The following NEDD1 variants were observed in gnomAD, a reference collection of about 807,000 sequenced individuals.
NEDD1 encodes protein NEDD1.
NEDD1 carries 33 observed loss-of-function variants against 74.0 expected under a neutral mutation model. That is an observed-to-expected ratio of 0.45 (90% confidence interval 0.34 to 0.60). NEDD1 has a LOEUF of 0.60. NEDD1 is among the 20% of genes least tolerant of loss of function. The pLI is 0.01. For synonymous variants in NEDD1, 250 were observed against 264.4 expected, an observed-to-expected ratio of 0.95 and a Z score of 0.53; for missense variants, 746 against 776.5, an observed-to-expected ratio of 0.96 and a Z score of 0.47.
Position 96,943,947 on chromosome 12 carries a change from A to T in NEDD1, c.1497+185A>T, listed in dbSNP as rs372334792. 1.7e-4 allele frequency among the ~76,000 whole-genome samples: 26 copies of T among 152,196 alleles called. No homozygotes were observed. The East Asian group carries it at 4.2e-3, about 25-fold the overall frequency. On this transcript the variant is annotated intron_variant, in intron 12 of 15. Transcript: ENST00000266742. ...TTGGATATGTTGAAGGTTACAGCAG[A>T]TGGAAAGTTGCAGTATTTTTCTAAG...
chr12:96,914,119 A>G (rs1874201814), intron 4 of NEDD1, among the ~76,000 whole-genome samples: 1 of 152,230 alleles, frequency 6.6e-6, no homozygotes, highest in Admixed American at 6.5e-5. Context: ...ATCAAGGCAT[A>G]GAATGTCTCT....
At chr12:96,933,443 G>T (rs1019167239) in intron 6 of NEDD1, among the ~76,000 whole-genome samples, 3 of 152,044 alleles carry the variant, frequency 2.0e-5, no homozygotes, top group African/African-American at 7.2e-5. Flanking sequence ...GTAGGTCTGT[G>T]TCTTTTATAT....
chr12:96,951,845 T>C, intron 15 of NEDD1, 104 bp from the exon 16 acceptor site: 2 of 647,402 alleles, frequency 3.1e-6, no homozygotes, highest in South Asian at 1.9e-5. Flanking sequence ...ATTCACCTAG[T>C]TAATTGAACA....
intron 9 of NEDD1, among the ~76,000 whole-genome samples, chr12:96,939,781 T>C (rs1442612275): frequency 6.6e-6 from 1 of 152,044 alleles, no homozygotes; most frequent in Non-Finnish European, 1.5e-5. Flanking sequence ...TATTGTTGTC[T>C]ACCTTACTAT....
intron 6 of NEDD1, among the ~76,000 whole-genome samples, chr12:96,931,908 A>G (rs1404538567): frequency 6.6e-6 from 1 of 152,166 alleles, no homozygotes; most frequent in African/African-American, 2.4e-5. Flanking sequence ...GTGATAAAAA[A>G]AATTTTTTTC....
intron 3 of NEDD1, 165 bp from the exon 4 acceptor site, chr12:96,912,558 T>A: frequency 2.1e-6 from 1 of 473,656 alleles, no homozygotes; most frequent in Non-Finnish European, 3.7e-6. Context: ...AGAATTAGTC[T>A]TAGTAATTAT....
rs1396600225 is a variant in NEDD1, at chr12:96,907,284, T to G, written c.-278T>G. On this transcript the variant is annotated 5_prime_UTR_variant, in exon 1 of 16. Transcript: ENST00000266742. ...CGCGGAGCCGGCCGCGGCCCCCTGT[T>G]GTGTTGCTGCGGAGAGGTGAGGTTC... 9 of 268,026 alleles carry G rather than the reference T, an allele frequency of 3.4e-5. No individual in the cohort carries two copies. The highest frequency in any genetic ancestry group is 5.5e-5 in the Admixed American group (1 of 18,178). The allele number at this position is 268,026 out of a possible 1,614,324, so 16.6% of individuals were successfully genotyped here. A position where few individuals can be genotyped will look rare whatever the true frequency, so the allele number is the denominator to read the frequency against.
intron 6 of NEDD1, among the ~76,000 whole-genome samples, chr12:96,925,375 A>G (rs890023867): frequency 2.6e-5 from 4 of 152,214 alleles, no homozygotes; most frequent in Non-Finnish European, 5.9e-5. Context: ...TGATCATTGC[A>G]TTGAATTACA....
chr12:96,943,769 G>C lies in NEDD1; in HGVS notation c.1497+7G>C. On this transcript the variant is annotated splice_region_variant and intron_variant, in intron 12 of 15. Coordinates refer to ENST00000266742, the MANE Select transcript of NEDD1 (RefSeq NM_152905.4). ...TAAAGACTCCTTCAAACAGGTATTTGCCTGAAAATGATACTGAACTCACTG... is the reference window on the plus strand; with the variant it reads ...TAAAGACTCCTTCAAACAGGTATTTCCCTGAAAATGATACTGAACTCACTG... 6.3e-7 allele frequency: 1 copy of C among 1,576,630 alleles called. No homozygotes were observed. Among genetic ancestry groups the C allele is most frequent in the Non-Finnish European group, 8.7e-7 (1 of 1,148,426 alleles).
chr12:96,934,790 G>A lies in NEDD1; in HGVS notation c.490-186G>A, dbSNP rs532765774. Among the ~76,000 whole-genome samples, 266 of 152,066 alleles carry A rather than the reference G, an allele frequency of 1.7e-3. 1 individual carries two copies. Among genetic ancestry groups the A allele is most frequent in the Admixed American group, 3.7e-3 (56 of 15,282 alleles). Reference sequence around the variant, plus strand: ...TGACCTCAGATGATCCACCTGCCTCGGCCTCCCAAAGTGCTGGGATTACAG... The same window carrying A: ...TGACCTCAGATGATCCACCTGCCTCAGCCTCCCAAAGTGCTGGGATTACAG... On this transcript the variant is annotated intron_variant, in intron 6 of 15. Coordinates refer to ENST00000266742, the MANE Select transcript of NEDD1 (RefSeq NM_152905.4).
chr12:96,928,484 T>C (rs552771670), intron 6 of NEDD1, among the ~76,000 whole-genome samples: 5 of 152,268 alleles, frequency 3.3e-5, no homozygotes, highest in African/African-American at 1.2e-4. Flanking sequence ...TTTAAGGAGC[T>C]TAAGTGTTAC....
In NEDD1 at chr12:96,942,670, G is replaced by T. The variant is rs759414929; in HGVS notation, c.1294+46G>T. On this transcript the variant is annotated intron_variant, in intron 11 of 15. Coordinates refer to ENST00000266742, the MANE Select transcript of NEDD1 (RefSeq NM_152905.4). ...TTTTCGTGAAAATGAAAAGTGAATT[G>T]TATTATCTATGCTGTGTAACAAATC... is the stretch of plus-strand genomic sequence containing the variant. The T allele has an allele frequency of 4.2e-5, 39 of 924,268 alleles. No individual in the cohort carries two copies. The Admixed American group carries it at 6.0e-4, about 14-fold the overall frequency. 57.3% of individuals were successfully genotyped at this position (924,268 alleles called of 1,614,324 possible).
At chr12:96,931,941 A>G (rs1027269103) in intron 6 of NEDD1, among the ~76,000 whole-genome samples, 4 of 152,156 alleles carry the variant, frequency 2.6e-5, no homozygotes, top group African/African-American at 9.7e-5. Flanking sequence ...ATCTTAGTAG[A>G]GACTGAAAAA....
intron 6 of NEDD1, among the ~76,000 whole-genome samples, chr12:96,928,432 A>C (rs1237589431): frequency 6.6e-6 from 1 of 152,126 alleles, no homozygotes; most frequent in Admixed American, 6.5e-5. Context: ...TTGAGAGTAC[A>C]AGTTCTCTTT....
chr12:96,917,114 C>T (rs1033467524), intron 4 of NEDD1, among the ~76,000 whole-genome samples: 8 of 151,992 alleles, frequency 5.3e-5, no homozygotes, highest in African/African-American at 1.9e-4. Flanking sequence ...GTCTCCTTAA[C>T]GGAGATTTGC....
In NEDD1 at chr12:96,937,214, G is replaced by T; in HGVS notation, c.938G>T (p.Gly313Val). Residue 313 changes from glycine to valine, a missense_variant, in exon 9 of 16, where the codon GGC becomes GTC. Physicochemically the swap from Gly to Val is moderately radical, Grantham distance 109. Around this residue, in one of 3 missense-constraint regions of NEDD1, gnomAD observed 706 missense variants for 706.7 expected, o/e 1.00. Coordinates refer to ENST00000266742, the MANE Select transcript of NEDD1 (RefSeq NM_152905.4). ...ACATTTCAGTCAAGTTTAAATAAAGGCTGTTCAAATAAGCCCACAACAGTG... is the reference window on the plus strand; with the variant it reads ...ACATTTCAGTCAAGTTTAAATAAAGTCTGTTCAAATAAGCCCACAACAGTG... ...TVLTKSSLNK[G>V]CSNKPTTVNK... 1.3e-6 allele frequency: 2 copies of T among 1,597,128 alleles called. No individual in the cohort carries two copies. Among genetic ancestry groups the T allele is most frequent in the Non-Finnish European group, 8.5e-7 (1 of 1,170,906 alleles).
Position 96,934,966 on chromosome 12 carries a change from A to C in NEDD1, c.490-10A>C. 6.5e-7 allele frequency: 1 copy of C among 1,534,016 alleles called. No individual in the cohort carries two copies. The highest frequency in any genetic ancestry group is 9.0e-7 in the Non-Finnish European group (1 of 1,108,668). ...ATAATTACATAAAATTTATTCTTTC[A>C]TTTTTATAGTCTGTTCGGCACTTGA... On this transcript the variant is annotated splice_polypyrimidine_tract_variant and intron_variant, in intron 6 of 15. Coordinates refer to ENST00000266742, the MANE Select transcript of NEDD1 (RefSeq NM_152905.4).
intron 14 of NEDD1, among the ~76,000 whole-genome samples, chr12:96,946,166 C>T (rs1290956907): frequency 6.6e-6 from 1 of 151,948 alleles, no homozygotes; most frequent in African/African-American, 2.4e-5. Context: ...TCTTAACCTG[C>T]AGTATGTTCA....
Position 96,907,729 on chromosome 12 carries a change from G to C in NEDD1, c.-136G>C. 1 of 1,548,752 alleles carries C rather than the reference G, an allele frequency of 6.5e-7. No homozygotes were observed. The highest frequency in any genetic ancestry group is 8.7e-7 in the Non-Finnish European group (1 of 1,145,600). ...GAGTGGTGTAGTTGAATTGGTTCCT[G>C]TAGCCGCTGTCCCTAAACCCAGGCC... On this transcript the variant is annotated 5_prime_UTR_variant, in exon 2 of 16. Transcript: ENST00000266742.
Sources: gnomAD v4.1 joint callset for allele counts (sites outside exome capture counted in the v4.1 genomes callset) on GRCh38, gnomAD v4.1.1 for gene constraint, gnomAD v4.1.1 regional missense constraint, MANE v1.5 for transcripts, NCBI Gene and HGNC (gene_info 2026-07-23, HGNC 2026-07-21) for gene names.